LYRM4: variants seen among roughly 807,000 people sequenced by gnomAD.
LYRM4 encodes the protein LYR motif containing 4.
Under a neutral mutation model 11.7 loss-of-function variants are expected in LYRM4, and 9 were observed. That is an observed-to-expected ratio of 0.77 (90% CI 0.46 to 1.34). The LOEUF is 1.34. Among genes scored for constraint, LYRM4 ranks in the 40% most tolerant of loss-of-function variants. The pLI, the probability that LYRM4 is intolerant of heterozygous loss-of-function variation, is 0.00. For synonymous variants in LYRM4, 42 were observed against 40.4 expected, an observed-to-expected ratio of 1.04 and a Z score of -0.15; for missense variants, 133 against 112.5, an observed-to-expected ratio of 1.18 and a Z score of -0.82.
chr6:5,144,735 T>C lies in LYRM4; in HGVS notation c.208-35244A>G, dbSNP rs144001759. Among the ~76,000 whole-genome samples, 787 of 151,896 alleles carry C rather than the reference T, an allele frequency of 5.2e-3. 8 individuals carry two copies. The highest frequency in any genetic ancestry group is 0.018 in the African/African-American group (752 of 41,466). ...GGCCCCAGGAGCTGGGAAATCACTTTGTTCCTGCCTGGGAGCAGGAGCTGC... is the reference window on the plus strand; with the variant it reads ...GGCCCCAGGAGCTGGGAAATCACTTCGTTCCTGCCTGGGAGCAGGAGCTGC... On this transcript the variant is annotated intron_variant, in intron 2 of 2. Transcript: ENST00000330636.
At chr6:5,093,869 G>T in the LYRM4 span, among the ~76,000 whole-genome samples, 1 of 152,160 alleles carries the variant, frequency 6.6e-6, no homozygotes, top group African/African-American at 2.4e-5. Flanking sequence ...ATTTCTTCAG[G>T]GTCTGAAAAT....
chr6:5,229,617 G>A (rs2127740733), intron 1 of LYRM4, among the ~76,000 whole-genome samples: 1 of 151,122 alleles, frequency 6.6e-6, no homozygotes, highest in South Asian at 2.1e-4. Context: ...AAGTCCTAAT[G>A]TAAATGTCCA....
intron 2 of LYRM4, among the ~76,000 whole-genome samples, chr6:5,145,476 G>C (rs147698883): frequency 1.3e-5 from 2 of 152,110 alleles, no homozygotes; most frequent in Non-Finnish European, 2.9e-5. Flanking sequence ...TGGTGACTCC[G>C]GAGTCAACGC....
chr6:5,075,370 G>T, the LYRM4 span, among the ~76,000 whole-genome samples: 1 of 152,144 alleles, frequency 6.6e-6, no homozygotes, highest in African/African-American at 2.4e-5. Flanking sequence ...GGGATTCCTA[G>T]GGGAAGCTCT....
chr6:5,153,763 A>G (rs1758225237), intron 2 of LYRM4, among the ~76,000 whole-genome samples: 1 of 152,224 alleles, frequency 6.6e-6, no homozygotes, highest in Non-Finnish European at 1.5e-5. Context: ...GTAATCACTG[A>G]TATATTGAGG....
At chr6:5,032,516 G>T in the LYRM4 span, 1 of 152,140 alleles carries the variant, frequency 6.6e-6, no homozygotes, top group Non-Finnish European at 1.5e-5. Flanking sequence ...TTTCAGAGGC[G>T]CAGTTTGACT....
chr6:5,044,002 C>A, the LYRM4 span, among the ~76,000 whole-genome samples: 1 of 152,236 alleles, frequency 6.6e-6, no homozygotes, highest in Non-Finnish European at 1.5e-5. Flanking sequence ...CTGTGCGGCC[C>A]TGTGGTGTGG....
At chr6:5,195,398 T>A (rs1394004271) in intron 2 of LYRM4, among the ~76,000 whole-genome samples, 3 of 151,398 alleles carry the variant, frequency 2.0e-5, no homozygotes, top group East Asian at 3.9e-4. Context: ...TCACTTGAGG[T>A]CAGGAGTTTG....
the LYRM4 span, chr6:5,066,209 C>T: frequency 2.8e-6 from 2 of 710,528 alleles, no homozygotes; most frequent in Non-Finnish European, 5.2e-6. Context: ...ACCTTAATCT[C>T]ACAAGCTACT....
intron 2 of LYRM4, among the ~76,000 whole-genome samples, chr6:5,110,091 G>A (rs1213415584): frequency 6.6e-6 from 1 of 152,166 alleles, no homozygotes; most frequent in Non-Finnish European, 1.5e-5. Context: ...GTCCCAGGTG[G>A]ATGCTGGAGC....
At chr6:5,186,425 T>C in intron 2 of LYRM4, among the ~76,000 whole-genome samples, 1 of 152,214 alleles carries the variant, frequency 6.6e-6, no homozygotes. Flanking sequence ...CCTTGCGTTC[T>C]GGTGTGTTGG....
the LYRM4 span, among the ~76,000 whole-genome samples, chr6:5,046,558 G>A: frequency 6.6e-6 from 1 of 152,156 alleles, no homozygotes; most frequent in Admixed American, 6.5e-5. Context: ...AATACATCTG[G>A]TGCTTCAGCT....
At chr6:5,257,726 C>T (rs139930866) in intron 1 of LYRM4, among the ~76,000 whole-genome samples, 1 of 152,210 alleles carries the variant, frequency 6.6e-6, no homozygotes, top group Non-Finnish European at 1.5e-5. Flanking sequence ...GAATCTAATG[C>T]CTGATGATCT....
the LYRM4 span, chr6:5,085,696 G>A: frequency 5.8e-6 from 9 of 1,547,814 alleles, no homozygotes; most frequent in Non-Finnish European, 7.9e-6. Context: ...CCAGGAGCAG[G>A]AGGAGCTGCT....
chr6:5,070,065 C>T, the LYRM4 span, among the ~76,000 whole-genome samples: 39,314 of 152,148 alleles, frequency 0.26, 5,228 homozygotes, highest in Middle Eastern at 0.32. Flanking sequence ...AATGGAGCAA[C>T]ACTACAATGC....
chr6:5,077,445 TG>T, the LYRM4 span, among the ~76,000 whole-genome samples: 1 of 152,166 alleles, frequency 6.6e-6, no homozygotes, highest in Non-Finnish European at 1.5e-5. Flanking sequence ...GATGTGGAAG[TG>T]GGAGGTCGCC....
At position 5,199,133 on chromosome 6, in the gene LYRM4, G is replaced by A. The variant is rs1215064867; in HGVS notation, c.207+17485C>T. On this transcript the variant is annotated intron_variant, in intron 2 of 2. Transcript: ENST00000330636. ...ATGTTCATAGCAACATCATTCACAA[G>A]AGCAAAAAGTGGGGATGACCCAAAT... 3.3e-5 allele frequency among the ~76,000 whole-genome samples: 5 copies of A among 152,250 alleles called. No homozygotes were observed. The East Asian group carries it at 9.6e-4, about 29-fold the overall frequency.
At chr6:5,199,758 C>G (rs569638985) in intron 2 of LYRM4, among the ~76,000 whole-genome samples, 1 of 152,318 alleles carries the variant, frequency 6.6e-6, no homozygotes, top group East Asian at 1.9e-4. Context: ...CCAATTTAAG[C>G]TGTGCCATCC....
At chr6:5,056,877 T>C in the LYRM4 span, among the ~76,000 whole-genome samples, 2 of 152,182 alleles carry the variant, frequency 1.3e-5, no homozygotes, top group Non-Finnish European at 2.9e-5. Flanking sequence ...TGTTTCACTA[T>C]AAAAGCAGCC....
Sources: gnomAD v4.1 joint callset for allele counts (sites outside exome capture counted in the v4.1 genomes callset) on GRCh38, gnomAD v4.1.1 for gene constraint, MANE v1.5 for transcripts, NCBI Gene and HGNC (gene_info 2026-07-23, HGNC 2026-07-21) for gene names.